The following GMDS variants were observed in gnomAD, a reference collection of about 807,000 sequenced individuals.
GMDS encodes GDP-mannose 4,6 dehydratase.
GMDS carries 20 observed loss-of-function variants against 49.9 expected under a neutral mutation model. The observed-to-expected ratio is 0.40, with a 90% CI of 0.28 to 0.58. The LOEUF (loss-of-function observed/expected upper bound fraction) is 0.58. Ranked by LOEUF, GMDS falls within the 20% of genes least tolerant of loss-of-function variation. The pLI is 0.42. For synonymous variants in GMDS, 177 were observed against 178.6 expected (o/e 0.99, Z 0.07); for missense variants, 362 against 481.4 (o/e 0.75, Z 2.32).
chr6:2,219,764 C>A (rs1017098866), intron 1 of GMDS, among the ~76,000 whole-genome samples: 2 of 152,192 alleles, frequency 1.3e-5, no homozygotes, highest in African/African-American at 4.8e-5. Flanking sequence ...ATTTCAGTAT[C>A]ATGAATATTG....
At chr6:1,818,148 T>C (rs974344488) in intron 7 of GMDS, among the ~76,000 whole-genome samples, 2 of 152,194 alleles carry the variant, frequency 1.3e-5, no homozygotes, top group South Asian at 4.1e-4. Flanking sequence ...CAGGTATAAA[T>C]ATTACCAAAA....
intron 7 of GMDS, among the ~76,000 whole-genome samples, chr6:1,857,139 T>C (rs1757973978): frequency 6.6e-6 from 1 of 152,232 alleles, no homozygotes; most frequent in South Asian, 2.1e-4. Flanking sequence ...TCAGACAATG[T>C]TGACTCCACT....
At chr6:2,115,640 A>C (rs1774803380) in intron 4 of GMDS, 131 bp downstream of exon 4, 1 of 648,590 alleles carries the variant, frequency 1.5e-6, no homozygotes. Flanking sequence ...TTAATACTTA[A>C]ACTAACACTG....
At position 1,708,278 on chromosome 6, in the gene GMDS, C is replaced by T. The variant is rs149066606; in HGVS notation, c.987+18138G>A. ...AACAACTCGAAGGCTGTAACTTTCC[C>T]GACACTTGAGACGTCACTCCTTTGC... is the stretch of plus-strand genomic sequence containing the variant. On this transcript the variant is annotated intron_variant, in intron 9 of 10. Transcript: ENST00000380815. Among the ~76,000 whole-genome samples the T allele has an allele frequency of 1.4e-3, 217 of 152,288 alleles. 1 individual carries two copies. Among genetic ancestry groups the T allele is most frequent in the African/African-American group, 4.2e-3 (173 of 41,554 alleles).
At chr6:2,177,087 A>G (rs2127558928) in intron 1 of GMDS, among the ~76,000 whole-genome samples, 1 of 152,322 alleles carries the variant, frequency 6.6e-6, no homozygotes, top group Admixed American at 6.5e-5. Context: ...CGCAGTTGGA[A>G]CGCCAGCCTT....
chr6:1,894,204 G>T (rs763428325), intron 7 of GMDS, among the ~76,000 whole-genome samples: 20 of 152,120 alleles, frequency 1.3e-4, no homozygotes, highest in Non-Finnish European at 2.4e-4. Context: ...TGAGCCTAAT[G>T]CTTTAATTGA....
At chr6:1,965,420 T>C (rs1013806970) in intron 4 of GMDS, among the ~76,000 whole-genome samples, 1 of 152,200 alleles carries the variant, frequency 6.6e-6, no homozygotes, top group Non-Finnish European at 1.5e-5. Flanking sequence ...GATTAGCTGA[T>C]AAAATCTAAT....
intron 4 of GMDS, among the ~76,000 whole-genome samples, chr6:2,040,452 ATATGATC>A (rs1458953367): frequency 6.6e-6 from 1 of 152,230 alleles, no homozygotes; most frequent in Non-Finnish European, 1.5e-5. Context: ...GGAAACAGTT[ATATGATC>A]TACATGGCTT....
At chr6:1,804,821 T>C (rs953910876) in intron 7 of GMDS, among the ~76,000 whole-genome samples, 1 of 152,190 alleles carries the variant, frequency 6.6e-6, no homozygotes, top group Non-Finnish European at 1.5e-5. Flanking sequence ...CTGAACTATA[T>C]TACCCTTAAT....
intron 1 of GMDS, among the ~76,000 whole-genome samples, chr6:2,216,020 C>G (rs1780318364): frequency 1.3e-5 from 2 of 152,068 alleles, no homozygotes; most frequent in South Asian, 4.1e-4. Context: ...ATAAATTTGT[C>G]TATGAGTTAA....
chr6:1,789,266 G>A (rs1203228858), intron 7 of GMDS, among the ~76,000 whole-genome samples: 2 of 152,160 alleles, frequency 1.3e-5, no homozygotes, highest in African/African-American at 4.8e-5. Context: ...TCATTACATA[G>A]TCATGACTGA....
intron 1 of GMDS, among the ~76,000 whole-genome samples, chr6:2,188,214 T>C (rs1008883663): frequency 2.0e-5 from 3 of 152,234 alleles, no homozygotes; most frequent in African/African-American, 7.2e-5. Flanking sequence ...CCGGTTATTT[T>C]ACCCAAATGC....
chr6:1,989,610 C>T (rs1413217677), intron 4 of GMDS, among the ~76,000 whole-genome samples: 2 of 152,196 alleles, frequency 1.3e-5, no homozygotes, highest in Non-Finnish European at 2.9e-5. Flanking sequence ...CTCTGAGTAC[C>T]TAGAACACTG....
chr6:2,053,469 CT>C (rs1770577364), intron 4 of GMDS, among the ~76,000 whole-genome samples: 1 of 151,972 alleles, frequency 6.6e-6, no homozygotes, highest in African/African-American at 2.4e-5. Flanking sequence ...AAAATTAAAG[CT>C]CTTATGGCTT....
chr6:1,780,123 C>T (rs897026880), intron 7 of GMDS, among the ~76,000 whole-genome samples: 1 of 152,220 alleles, frequency 6.6e-6, no homozygotes, highest in African/African-American at 2.4e-5. Flanking sequence ...ACTCTTGCTC[C>T]GCTTGCAGCC....
Position 1,780,110 on chromosome 6 carries a change from G to A in GMDS, c.772-37524C>T, listed in dbSNP as rs545721603. Among the ~76,000 whole-genome samples, 8 of 152,338 alleles carry A rather than the reference G, an allele frequency of 5.3e-5. No homozygotes were observed. In the East Asian group the frequency reaches 1.4e-3, roughly 26 times the overall value. On this transcript the variant is annotated intron_variant, in intron 7 of 10. Transcript: ENST00000380815. Reference sequence around the variant, plus strand: ...AATCGAAAAAGAGCGAAGTGAATCCGACACTCTTGCTCCGCTTGCAGCCTG... The same window carrying A: ...AATCGAAAAAGAGCGAAGTGAATCCAACACTCTTGCTCCGCTTGCAGCCTG...
intron 1 of GMDS, among the ~76,000 whole-genome samples, chr6:2,240,389 T>C (rs1033187840): frequency 6.6e-6 from 1 of 152,180 alleles, no homozygotes; most frequent in Admixed American, 6.5e-5. Flanking sequence ...TCCTATTTGA[T>C]AAGAATTATT....
chr6:2,161,357 T>C (rs1310864104), intron 1 of GMDS, among the ~76,000 whole-genome samples: 1 of 152,138 alleles, frequency 6.6e-6, no homozygotes, highest in African/African-American at 2.4e-5. Flanking sequence ...TCTGTGTATA[T>C]GTTAGTTTTG....
Position 1,929,979 on chromosome 6 carries a change from C to T in GMDS, c.771+124G>A, listed in dbSNP as rs551151738. 15 of 836,622 alleles carry T rather than the reference C, an allele frequency of 1.8e-5. No individual in the cohort carries two copies. In the African/African-American group the frequency reaches 2.0e-4, roughly 11 times the overall value. 51.8% of individuals were successfully genotyped at this position (836,622 alleles called of 1,614,324 possible). On this transcript the variant is annotated intron_variant, in intron 7 of 10. Transcript: ENST00000380815. The stretch of plus-strand genomic sequence containing the variant: ...GAAGTGAAAGCAGCATGAGTGTAAA[C>T]ATACCTGCCTTGGCAAAGGTTTGTA...
Sources: allele counts gnomAD v4.1 joint callset (sites outside exome capture counted in the v4.1 genomes callset), GRCh38; gene constraint gnomAD v4.1.1; transcripts MANE v1.5; gene names NCBI Gene and HGNC (gene_info 2026-07-23, HGNC 2026-07-21).